Variants in PABIR2 observed in about 807,000 individuals in gnomAD.
PABIR2 encodes the protein family with sequence similarity 122B.
A neutral mutation model predicts 22.8 loss-of-function variants in PABIR2; 7 were observed. That is an observed-to-expected ratio of 0.31 (90% CI 0.17 to 0.58). PABIR2 has a LOEUF of 0.58. Among genes scored for constraint, PABIR2 ranks in the 20% least tolerant of loss-of-function variants. PABIR2 has a pLI of 0.89. For missense variants in PABIR2, 155 were observed against 205.1 expected (o/e 0.76, Z 1.49); for synonymous variants, 67 against 73.8 (o/e 0.91, Z 0.47).
At chrX:134,791,427 T>C (rs2079545547) in intron 2 of PABIR2, among the ~76,000 whole-genome samples, 1 of 110,088 alleles carries the variant, frequency 9.1e-6, no homozygotes, top group African/African-American at 3.3e-5. Context: ...CAGTGGAGTG[T>C]AGATTATGCT....
intron 9 of PABIR2, among the ~76,000 whole-genome samples, chrX:134,778,504 C>CAAA (rs750595910): frequency 6.1e-5 from 2 of 32,980 alleles, no homozygotes; most frequent in African/African-American, 1.0e-4. Flanking sequence ...AACTCCGTCT[C>CAAA]AAAAAAAAAA....
chrX:134,787,561 G>GA, intron 6 of PABIR2, 28 bp from the exon 7 acceptor site: 4 of 1,036,087 alleles, frequency 3.9e-6, no homozygotes, highest in African/African-American at 2.0e-5. Context: ...AACATTACTA[G>GA]AAAAAACATA....
chrX:134,780,472 G>A (rs867616691), intron 9 of PABIR2, among the ~76,000 whole-genome samples: 7 of 111,548 alleles, frequency 6.3e-5, no homozygotes, highest in Middle Eastern at 9.3e-3. Context: ...CCAGCTACTC[G>A]GGAGGCTGAG....
At chrX:134,778,913 C>T (rs778522163) in intron 9 of PABIR2, among the ~76,000 whole-genome samples, 1 of 110,535 alleles carries the variant, frequency 9.0e-6, no homozygotes, top group East Asian at 2.9e-4. Flanking sequence ...CCCGGGTTCA[C>T]GCCATTCTTC....
rs1242681149 is a variant in PABIR2, at chrX:134,788,804, T to G, written c.361A>C (p.Lys121Gln). The G allele has an allele frequency of 2.5e-6, 3 of 1,209,391 alleles. No homozygotes were observed. Among genetic ancestry groups the G allele is most frequent in the Non-Finnish European group, 3.4e-6 (3 of 894,524 alleles). ...TCAATTCTCTTAGGAGAATATAATT[T>G]CTCCGGCTTGTCAAAATCACTGTCA... ...LSDSDFDKPEKLYSPKRIDFT... is the reference protein window; with the variant it reads ...LSDSDFDKPEQLYSPKRIDFT... Residue 121 changes from lysine (K) to glutamine (Q), a missense_variant, in exon 6 of 10, where the codon AAA becomes CAA. Lys to Gln is a moderately conservative substitution (Grantham distance 53). Coordinates refer to ENST00000343004, the MANE Select transcript of PABIR2 (RefSeq NM_001387468.1).
intron 2 of PABIR2, 27 bp downstream of exon 2, chrX:134,793,787 CA>C: frequency 8.5e-7 from 1 of 1,173,296 alleles, no homozygotes; most frequent in Non-Finnish European, 1.2e-6. Context: ...CAATCTAAAT[CA>C]CTTCAGATAC....
At chrX:134,783,020 C>G (rs2079199061) in intron 8 of PABIR2, among the ~76,000 whole-genome samples, 1 of 111,804 alleles carries the variant, frequency 8.9e-6, no homozygotes, top group African/African-American at 3.3e-5. Flanking sequence ...TTCGGAATAG[C>G]TGTAAAACTA....
intron 3 of PABIR2, 114 bp from the exon 4 acceptor site, chrX:134,789,380 C>T: frequency 1.0e-6 from 1 of 977,203 alleles, no homozygotes; most frequent in East Asian, 3.1e-5. Flanking sequence ...AATAAAAAGA[C>T]TTTTTCTACC....
rs2078819680 is a variant in PABIR2 at position 134,770,338 on chromosome X, T to A, written c.*1801A>T. The A allele has an allele frequency of 8.9e-6, 1 of 112,482 alleles. No individual in the cohort carries two copies. 9.3% of individuals were successfully genotyped at this position (112,482 alleles called of 1,213,427 possible). A position where few individuals can be genotyped will look rare whatever the true frequency, so the allele number is the denominator to read the frequency against. ...TAGATTTATGTTACGTTTGAAGAAG[T>A]AGAGACTTTTCCCAGATGAGAGCAA... On this transcript the variant is annotated 3_prime_UTR_variant, in exon 10 of 10. Transcript: ENST00000343004.
At chrX:134,789,303 C>A (rs1603052340) in intron 3 of PABIR2, 37 bp from the exon 4 acceptor site, 1 of 1,203,195 alleles carries the variant, frequency 8.3e-7, no homozygotes, top group East Asian at 3.0e-5. Context: ...AAGGCAGGAT[C>A]ACTGACAAAA....
rs1035870807 is a variant in PABIR2 at position 134,770,439 on chromosome X, G to A, written c.*1700C>T. On this transcript the variant is annotated 3_prime_UTR_variant, in exon 10 of 10. Coordinates refer to ENST00000343004, the MANE Select transcript of PABIR2 (RefSeq NM_001387468.1). ...GGACACATCGGATGCTGTAACAGAA[G>A]TACTGCACGCTAAGTGATGCTCTCT... 6.2e-5 allele frequency: 7 copies of A among 112,760 alleles called. No homozygotes were observed. Among genetic ancestry groups the A allele is most frequent in the African/African-American group, 2.3e-4 (7 of 30,961 alleles). 9.3% of individuals were successfully genotyped at this position (112,760 alleles called of 1,213,427 possible). A position where few individuals can be genotyped will look rare whatever the true frequency, so the allele number is the denominator to read the frequency against.
intron 2 of PABIR2, among the ~76,000 whole-genome samples, chrX:134,792,717 C>T (rs1413718927): frequency 3.6e-5 from 4 of 112,421 alleles, no homozygotes; most frequent in Non-Finnish European, 7.5e-5. Flanking sequence ...GTTTTAGCTG[C>T]TGCTTCTTTT....
In PABIR2 at chrX:134,781,921, A is replaced by G; in HGVS notation, c.563-4T>C. ...TGACTTTCTGTCTCCATTTCACCTA[A>G]AACAGAAAGAGATGATGCTACTATA... is the stretch of plus-strand genomic sequence containing the variant. On this transcript the variant is annotated splice_polypyrimidine_tract_variant and splice_region_variant and intron_variant, in intron 8 of 9. Transcript: ENST00000343004. 8.5e-7 allele frequency: 1 copy of G among 1,173,265 alleles called. No individual in the cohort carries two copies. The highest frequency in any genetic ancestry group is 1.2e-6 in the Non-Finnish European group (1 of 866,890).
intron 2 of PABIR2, 114 bp from the exon 3 acceptor site, chrX:134,789,750 T>C: frequency 4.7e-6 from 3 of 636,598 alleles, no homozygotes; most frequent in Non-Finnish European, 7.0e-6. Context: ...CTTCAAAATT[T>C]AGCTCTTTAG....
chrX:134,778,810 C>T (rs956126595), intron 9 of PABIR2, among the ~76,000 whole-genome samples: 2 of 110,288 alleles, frequency 1.8e-5, no homozygotes, highest in African/African-American at 3.3e-5. Flanking sequence ...TCTTGTGTGA[C>T]GCAACAACTT....
chrX:134,775,282 GCACTTTGGGAGGCCGAGGTGGGCGGAT>G (rs1484339916), intron 9 of PABIR2, among the ~76,000 whole-genome samples: 1 of 110,987 alleles, frequency 9.0e-6, no homozygotes, highest in African/African-American at 3.3e-5. Context: ...TGTAATCCCA[GCACTTTGGGAGGCCGAGGTGGGCGGAT>G]CACGAAGTCA....
chrX:134,780,678 A>T (rs956956462), intron 9 of PABIR2, among the ~76,000 whole-genome samples: 1 of 112,586 alleles, frequency 8.9e-6, no homozygotes, highest in East Asian at 2.8e-4. Flanking sequence ...CAGTGAGTTG[A>T]TCAGAACATA....
Position 134,796,239 on chromosome X carries a change from T to G in PABIR2, c.-34A>C. 1 of 1,129,682 alleles carries G rather than the reference T, an allele frequency of 8.9e-7. No homozygotes were observed. The highest frequency in any genetic ancestry group is 1.2e-6 in the Non-Finnish European group (1 of 826,650). 93.1% of individuals were successfully genotyped at this position (1,129,682 alleles called of 1,213,427 possible). A position where few individuals can be genotyped will look rare whatever the true frequency, so the allele number is the denominator to read the frequency against. On this transcript the variant is annotated 5_prime_UTR_variant, in exon 1 of 10. Transcript: ENST00000343004. Reference sequence around the variant, plus strand: ...TGCAGGCAGGCACAGCGGGCAGTGCTCAGCTCCTGGTGCTTAGCTATGGAC... The same window carrying G: ...TGCAGGCAGGCACAGCGGGCAGTGCGCAGCTCCTGGTGCTTAGCTATGGAC...
intron 9 of PABIR2, among the ~76,000 whole-genome samples, chrX:134,775,436 G>A (rs1450840938): frequency 3.9e-5 from 4 of 103,695 alleles, no homozygotes; most frequent in Non-Finnish European, 7.8e-5. Context: ...GGAGAATGGC[G>A]TGAACCCGGG....
Sources: gnomAD v4.1 joint callset for allele counts (sites outside exome capture counted in the v4.1 genomes callset) on GRCh38, gnomAD v4.1.1 for gene constraint, MANE v1.5 for transcripts, NCBI Gene and HGNC (gene_info 2026-07-23, HGNC 2026-07-21) for gene names.